Variants in LDB2 observed in about 807,000 individuals in gnomAD.
The protein encoded by LDB2 is LIM domain binding 2, also known as LIM domain-binding protein 2.
Under a neutral mutation model 44.3 loss-of-function variants are expected in LDB2, and 12 were observed. The observed-to-expected ratio is 0.27, with a 90% CI of 0.17 to 0.44. The LOEUF (loss-of-function observed/expected upper bound fraction) is 0.44, where lower values mean the gene tolerates loss of function less well. LDB2 is among the 20% of genes least tolerant of loss of function. The pLI is 1.00. For synonymous variants in LDB2, 164 were observed against 174.8 expected, an observed-to-expected ratio of 0.94 and a Z score of 0.49; for missense variants, 344 against 473.5, an observed-to-expected ratio of 0.73 and a Z score of 2.54.
intron 1 of LDB2, among the ~76,000 whole-genome samples, chr4:16,880,758 G>A (rs1243285664): frequency 2.6e-5 from 4 of 152,024 alleles, no homozygotes; most frequent in Non-Finnish European, 5.9e-5. Context: ...CAAAAAATTA[G>A]CCGAGTGTGG....
intron 1 of LDB2, among the ~76,000 whole-genome samples, chr4:16,823,909 A>C (rs1782559302): frequency 1.3e-5 from 2 of 152,204 alleles, no homozygotes; most frequent in Non-Finnish European, 2.9e-5. Flanking sequence ...GCTTACAAGA[A>C]CCAGCTGGTT....
intron 2 of LDB2, among the ~76,000 whole-genome samples, chr4:16,685,951 C>T (rs1226774905): frequency 6.6e-6 from 1 of 152,088 alleles, no homozygotes; most frequent in Non-Finnish European, 1.5e-5. Flanking sequence ...ACTCTGGAGG[C>T]TGAGGCAAGA....
intron 1 of LDB2, among the ~76,000 whole-genome samples, chr4:16,764,797 G>A (rs1164358865): frequency 6.6e-6 from 1 of 152,200 alleles, no homozygotes; most frequent in Non-Finnish European, 1.5e-5. Context: ...TTTGGACCTG[G>A]CAATGTGGCC....
chr4:16,743,277 G>T (rs1412126932), intron 2 of LDB2, among the ~76,000 whole-genome samples: 2 of 152,076 alleles, frequency 1.3e-5, no homozygotes, highest in Non-Finnish European at 2.9e-5. Context: ...GTGATAGAGT[G>T]AGACTTCATC....
At chr4:16,564,747 C>CA (rs915630320) in intron 5 of LDB2, among the ~76,000 whole-genome samples, 5 of 152,242 alleles carry the variant, frequency 3.3e-5, no homozygotes, top group African/African-American at 7.2e-5. Context: ...AAACTCTCCA[C>CA]AAAAAAGCCC....
chr4:16,748,332 G>T (rs1484269514), intron 2 of LDB2, among the ~76,000 whole-genome samples: 1 of 152,118 alleles, frequency 6.6e-6, no homozygotes, highest in Non-Finnish European at 1.5e-5. Flanking sequence ...ATGGCATAAT[G>T]GTTTGTGAAG....
At chr4:16,763,193 G>A (rs982689352) in intron 1 of LDB2, among the ~76,000 whole-genome samples, 1 of 150,944 alleles carries the variant, frequency 6.6e-6, no homozygotes, top group Admixed American at 6.6e-5. Flanking sequence ...CATAGTGCCA[G>A]GCATATAATA....
Position 16,784,959 on chromosome 4 carries a change from G to A in LDB2, c.133-25699C>T, listed in dbSNP as rs528796692. On this transcript the variant is annotated intron_variant, in intron 1 of 7. Transcript: ENST00000304523. Reference sequence around the variant, plus strand: ...CTTAAATACCCTCCATTCTCCCACAGCACCTAGATTATTACAATGAGTGGG... The same window carrying A: ...CTTAAATACCCTCCATTCTCCCACAACACCTAGATTATTACAATGAGTGGG... Among the ~76,000 whole-genome samples, 7 of 151,842 alleles carry A rather than the reference G, an allele frequency of 4.6e-5. No individual in the cohort carries two copies. The East Asian group carries it at 9.7e-4, about 21-fold the overall frequency.
intron 1 of LDB2, among the ~76,000 whole-genome samples, chr4:16,804,630 T>C (rs1778446550): frequency 6.6e-6 from 1 of 152,148 alleles, no homozygotes; most frequent in South Asian, 2.1e-4. Context: ...TTACCAAATA[T>C]AGCAGAGAGA....
chr4:16,630,797 G>A (rs1225488149), intron 2 of LDB2, among the ~76,000 whole-genome samples: 2 of 152,142 alleles, frequency 1.3e-5, no homozygotes, highest in African/African-American at 4.8e-5. Flanking sequence ...CCTGGTCTCT[G>A]ATAAAACAGA....
chr4:16,793,866 C>T (rs895979470), intron 1 of LDB2, among the ~76,000 whole-genome samples: 9 of 152,118 alleles, frequency 5.9e-5, no homozygotes, highest in African/African-American at 1.7e-4. Context: ...GCTCTATCCC[C>T]ATTTTACAGA....
chr4:16,599,286 A>G (rs1018561222), intron 2 of LDB2, among the ~76,000 whole-genome samples: 1 of 152,112 alleles, frequency 6.6e-6, no homozygotes, highest in Non-Finnish European at 1.5e-5. Flanking sequence ...TGTTTGTTTC[A>G]TCATCTAGAG....
intron 1 of LDB2, among the ~76,000 whole-genome samples, chr4:16,858,811 T>C (rs143837976): frequency 6.6e-6 from 1 of 152,324 alleles, no homozygotes; most frequent in African/African-American, 2.4e-5. Context: ...TATTGAACTA[T>C]ACAAACTGCG....
At chr4:16,832,001 T>G (rs1784147996) in intron 1 of LDB2, among the ~76,000 whole-genome samples, 1 of 152,234 alleles carries the variant, frequency 6.6e-6, no homozygotes, top group Non-Finnish European at 1.5e-5. Context: ...CTGATCCTGG[T>G]GCATCTATAA....
At chr4:16,881,811 G>A (rs1402836671) in intron 1 of LDB2, among the ~76,000 whole-genome samples, 1 of 151,916 alleles carries the variant, frequency 6.6e-6, no homozygotes, top group Non-Finnish European at 1.5e-5. Context: ...CTCACCCAAG[G>A]TTTAGATTAC....
intron 5 of LDB2, among the ~76,000 whole-genome samples, chr4:16,560,750 C>A (rs1337436295): frequency 2.0e-5 from 3 of 152,140 alleles, no homozygotes; most frequent in Non-Finnish European, 4.4e-5. Flanking sequence ...CAAAGCCCGG[C>A]AGAGACACAA....
At position 16,502,665 on chromosome 4, in the gene LDB2, G is replaced by A. The variant is rs956840249; in HGVS notation, c.1100C>T (p.Pro367Leu). 41 of 1,613,818 alleles carry A rather than the reference G, an allele frequency of 2.5e-5. No individual in the cohort carries two copies. Among genetic ancestry groups the A allele is most frequent in the Non-Finnish European group, 3.3e-5 (39 of 1,179,846 alleles). ...ATCTTATTGGGAAGCCTGGGGTGGGGGGTTTTCTGATTTGGTCTCTTGAGT... is the reference window on the plus strand; with the variant it reads ...ATCTTATTGGGAAGCCTGGGGTGGGAGGTTTTCTGATTTGGTCTCTTGAGT... ...PATQETKSENPPPQASQ is the reference protein window; with the variant it reads ...PATQETKSENLPPQASQ The change falls in exon 8 of 8, where the codon CCC (proline) becomes CTC (leucine). Residue 367 changes from proline (P) to leucine (L), a missense_variant. Coordinates refer to ENST00000304523, the MANE Select transcript of LDB2 (RefSeq NM_001290.5).
chr4:16,595,316 T>C (rs1187895755), intron 3 of LDB2, among the ~76,000 whole-genome samples: 1 of 152,122 alleles, frequency 6.6e-6, no homozygotes, highest in Non-Finnish European at 1.5e-5. Context: ...AATCCAGCTC[T>C]AAAAAGTTAT....
intron 1 of LDB2, 85 bp from the exon 2 acceptor site, chr4:16,759,345 T>C: frequency 3.0e-6 from 3 of 996,028 alleles, no homozygotes; most frequent in Non-Finnish European, 3.2e-6. Context: ...AAAGAAAAAC[T>C]CAGCTGCTCC....
Sources: allele counts gnomAD v4.1 joint callset (sites outside exome capture counted in the v4.1 genomes callset), GRCh38; gene constraint gnomAD v4.1.1; transcripts MANE v1.5; gene names NCBI Gene and HGNC (gene_info 2026-07-23, HGNC 2026-07-21).